The following TENM3 variants were observed in gnomAD, a reference collection of about 807,000 sequenced individuals.
TENM3 encodes teneurin-3.
TENM3 carries 63 observed loss-of-function variants against 255.1 expected under a neutral mutation model. The observed-to-expected ratio is 0.25, with a 90% CI of 0.20 to 0.30. TENM3 has a LOEUF of 0.30. Ranked by LOEUF, TENM3 falls within the 10% of genes least tolerant of loss-of-function variation. TENM3 has a pLI of 1.00. For synonymous variants in TENM3, 1,306 were observed against 1,322.3 expected (o/e 0.99, Z 0.27); for missense variants, 2,929 against 3,461.1 (o/e 0.85, Z 3.86).
the TENM3 span, among the ~76,000 whole-genome samples, chr4:181,816,368 GA>G: frequency 6.6e-6 from 1 of 152,090 alleles, no homozygotes; most frequent in African/African-American, 2.4e-5. Context: ...TTATTATTAA[GA>G]ACTGGAGTCA....
the TENM3 span, among the ~76,000 whole-genome samples, chr4:181,480,765 CTATATATAGA>C: frequency 6.7e-6 from 1 of 148,448 alleles, no homozygotes; most frequent in Non-Finnish European, 1.5e-5. Context: ...CTATATATAG[CTATATATAGA>C]TATAGAGGTA....
intron 1 of TENM3, among the ~76,000 whole-genome samples, chr4:182,252,384 T>G (rs530333922): frequency 6.6e-6 from 1 of 152,316 alleles, no homozygotes; most frequent in African/African-American, 2.4e-5. Context: ...GAAATTGCTT[T>G]CATGGAGATT....
chr4:181,785,115 C>G, the TENM3 span, among the ~76,000 whole-genome samples: 1 of 152,154 alleles, frequency 6.6e-6, no homozygotes, highest in East Asian at 1.9e-4. Context: ...AGAGTGAGTT[C>G]TGAGCTGAAT....
At chr4:181,577,614 C>G in the TENM3 span, among the ~76,000 whole-genome samples, 3 of 152,178 alleles carry the variant, frequency 2.0e-5, no homozygotes. Context: ...ACACTTTGCT[C>G]TAATATCCTA....
chr4:182,316,436 C>T (rs889371663), intron 1 of TENM3, among the ~76,000 whole-genome samples: 1 of 151,988 alleles, frequency 6.6e-6, no homozygotes, highest in Admixed American at 6.6e-5. Context: ...ACTTACTTTA[C>T]CTGTGATTCA....
intron 3 of TENM3, among the ~76,000 whole-genome samples, chr4:182,448,160 A>G (rs968735): frequency 0.97 from 147,027 of 152,250 alleles, 71,196 homozygotes; most frequent in East Asian, 1. Flanking sequence ...TGACTCGTCA[A>G]CGTTAATGGG....
the TENM3 span, among the ~76,000 whole-genome samples, chr4:182,005,683 G>T: frequency 6.6e-6 from 1 of 152,264 alleles, no homozygotes; most frequent in African/African-American, 2.4e-5. Context: ...TCATGATATT[G>T]ATTCTTCCTA....
At chr4:182,037,631 A>C in the TENM3 span, among the ~76,000 whole-genome samples, 2 of 136,454 alleles carry the variant, frequency 1.5e-5, no homozygotes, top group Non-Finnish European at 1.7e-5. Context: ...TCTTTGAATT[A>C]TGTTATTTGT....
chr4:182,431,478 C>T (rs531796752), intron 3 of TENM3, among the ~76,000 whole-genome samples: 3 of 151,988 alleles, frequency 2.0e-5, no homozygotes, highest in Non-Finnish European at 2.9e-5. Context: ...GGCAACAAAG[C>T]GAGACTCCCT....
intron 3 of TENM3, among the ~76,000 whole-genome samples, chr4:182,538,670 G>C (rs1027333683): frequency 2.0e-5 from 3 of 152,190 alleles, no homozygotes; most frequent in Admixed American, 6.5e-5. Flanking sequence ...TTACAATATA[G>C]AGCAAATTGG....
At chr4:181,942,942 G>C in the TENM3 span, among the ~76,000 whole-genome samples, 2 of 152,188 alleles carry the variant, frequency 1.3e-5, no homozygotes, top group South Asian at 4.1e-4. Flanking sequence ...TTTGATAATA[G>C]GTTAATAATA....
chr4:182,797,133 CT>C (rs1168905679), intron 27 of TENM3, among the ~76,000 whole-genome samples: 3 of 152,124 alleles, frequency 2.0e-5, no homozygotes, highest in Non-Finnish European at 4.4e-5. Context: ...CAAGGTTCAA[CT>C]TCTTTAAAAA....
At chr4:182,312,704 T>C (rs1762527166) in intron 1 of TENM3, among the ~76,000 whole-genome samples, 1 of 152,240 alleles carries the variant, frequency 6.6e-6, no homozygotes, top group Admixed American at 6.5e-5. Context: ...TCAGGGTGTC[T>C]GATTTAAGCC....
At chr4:181,923,454 C>T in the TENM3 span, among the ~76,000 whole-genome samples, 1 of 152,046 alleles carries the variant, frequency 6.6e-6, no homozygotes, top group Admixed American at 6.6e-5. Context: ...GATCATTCTG[C>T]AAAACTAATT....
chr4:181,600,288 A>G, the TENM3 span, among the ~76,000 whole-genome samples: 3 of 152,138 alleles, frequency 2.0e-5, no homozygotes, highest in Non-Finnish European at 4.4e-5. Flanking sequence ...TCTGATTGAC[A>G]CAGACCTACC....
At chr4:182,385,621 C>G (rs1198463867) in intron 3 of TENM3, among the ~76,000 whole-genome samples, 1 of 151,698 alleles carries the variant, frequency 6.6e-6, no homozygotes, top group Non-Finnish European at 1.5e-5. Flanking sequence ...TAATCCATTG[C>G]AATATTTGAT....
the TENM3 span, among the ~76,000 whole-genome samples, chr4:182,118,285 G>T: frequency 1.2e-4 from 18 of 151,956 alleles, no homozygotes; most frequent in Admixed American, 1.0e-3. Context: ...TGCCTTTCTT[G>T]TCTTATTGAA....
intron 15 of TENM3, 23 bp downstream of exon 15, chr4:182,730,342 T>A (rs767442192): frequency 6.2e-7 from 1 of 1,611,964 alleles, no homozygotes. Context: ...CATCACACTA[T>A]CTCTGAAGGA....
At chr4:181,538,163 T>A in the TENM3 span, among the ~76,000 whole-genome samples, 3 of 152,102 alleles carry the variant, frequency 2.0e-5, no homozygotes, top group African/African-American at 7.2e-5. Flanking sequence ...AAAAATAATA[T>A]TTCAAATGTT....
Sources: allele counts gnomAD v4.1 joint callset (sites outside exome capture counted in the v4.1 genomes callset), GRCh38; gene constraint gnomAD v4.1.1; transcripts MANE v1.5; gene names NCBI Gene and HGNC (gene_info 2026-07-23, HGNC 2026-07-21).